The following GABBR2 variants were observed in gnomAD, a reference collection of about 807,000 sequenced individuals.
GABBR2 encodes the protein gamma-aminobutyric acid type B receptor subunit 2.
GABBR2 carries 23 observed loss-of-function variants against 105.6 expected under a neutral mutation model. That is an observed-to-expected ratio of 0.22 (90% CI 0.16 to 0.31). GABBR2 has a LOEUF of 0.31. Among genes scored for constraint, GABBR2 ranks in the 10% least tolerant of loss-of-function variants. The pLI is 1.00. For synonymous variants in GABBR2, 478 were observed against 499.7 expected (o/e 0.96, Z 0.58); for missense variants, 734 against 1,245.5 (o/e 0.59, Z 6.18).
At chr9:98,506,059 TTGTC>T (rs1002480000) in intron 3 of GABBR2, among the ~76,000 whole-genome samples, 6 of 152,088 alleles carry the variant, frequency 3.9e-5, no homozygotes, top group African/African-American at 1.4e-4. Context: ...ATGGCACCAT[TTGTC>T]TGTCCCAAAG....
chr9:98,378,710 G>A (rs1831920665), intron 11 of GABBR2, among the ~76,000 whole-genome samples: 1 of 152,072 alleles, frequency 6.6e-6, no homozygotes, highest in Non-Finnish European at 1.5e-5. Flanking sequence ...TGCAGGAGCT[G>A]GGATGGGGGC....
At chr9:98,671,598 C>T (rs1830407878) in intron 1 of GABBR2, among the ~76,000 whole-genome samples, 1 of 152,152 alleles carries the variant, frequency 6.6e-6, no homozygotes, top group African/African-American at 2.4e-5. Context: ...AGACCATTTA[C>T]ATTCCCACAT....
chr9:98,686,531 G>A (rs1044352812), intron 1 of GABBR2, among the ~76,000 whole-genome samples: 1 of 152,042 alleles, frequency 6.6e-6, no homozygotes, highest in Non-Finnish European at 1.5e-5. Context: ...GAGTAGCTGG[G>A]ATTATAGGCA....
Position 98,547,303 on chromosome 9 carries a change from G to A in GABBR2, c.460-5260C>T, listed in dbSNP as rs1299652956. On this transcript the variant is annotated intron_variant, in intron 2 of 18. Coordinates refer to ENST00000259455, the MANE Select transcript of GABBR2 (RefSeq NM_005458.8). The stretch of plus-strand genomic sequence containing the variant: ...AATGACTATGCTATATTTATATTGT[G>A]TATATTGTTTTATATTTATATTTTT... Among the ~76,000 whole-genome samples, 4 of 115,292 alleles carry A rather than the reference G, an allele frequency of 3.5e-5. 1 individual carries two copies. The Admixed American group carries it at 3.9e-4, about 11-fold the overall frequency. 75.6% of individuals were successfully genotyped at this position (115,292 alleles called of 152,430 possible).
intron 1 of GABBR2, among the ~76,000 whole-genome samples, chr9:98,608,412 C>T (rs567924548): frequency 1.2e-4 from 18 of 152,158 alleles, no homozygotes; most frequent in African/African-American, 4.1e-4. Flanking sequence ...TGCAAGATAA[C>T]ATTTTACTGT....
At chr9:98,416,953 C>G (rs1832699316) in intron 7 of GABBR2, among the ~76,000 whole-genome samples, 1 of 152,194 alleles carries the variant, frequency 6.6e-6, no homozygotes, top group Admixed American at 6.5e-5. Context: ...GTCCTCCAAG[C>G]ACAAGCCTCC....
intron 1 of GABBR2, among the ~76,000 whole-genome samples, chr9:98,697,854 G>A (rs1308240905): frequency 2.0e-5 from 3 of 152,174 alleles, no homozygotes; most frequent in Admixed American, 6.5e-5. Context: ...ACTGGGCGGG[G>A]GCATTCGCAT....
intron 11 of GABBR2, among the ~76,000 whole-genome samples, chr9:98,377,726 G>A (rs1831903110): frequency 6.6e-6 from 1 of 152,128 alleles, no homozygotes; most frequent in African/African-American, 2.4e-5. Context: ...TGGCTCAGGA[G>A]TCTGGGGAGT....
At chr9:98,495,457 G>A (rs1235691075) in intron 4 of GABBR2, among the ~76,000 whole-genome samples, 1 of 152,034 alleles carries the variant, frequency 6.6e-6, no homozygotes, top group Non-Finnish European at 1.5e-5. Flanking sequence ...TGATAGCTCT[G>A]ATGACACTGG....
intron 18 of GABBR2, 91 bp from the exon 19 acceptor site, chr9:98,290,840 T>A: frequency 1.3e-6 from 1 of 780,698 alleles, no homozygotes; most frequent in South Asian, 2.9e-5. Context: ...AAAAAGCTGA[T>A]GACAGGAGCA....
intron 3 of GABBR2, among the ~76,000 whole-genome samples, chr9:98,534,847 C>T (rs896422260): frequency 3.9e-5 from 6 of 152,238 alleles, no homozygotes; most frequent in African/African-American, 1.4e-4. Context: ...CATACCCTTA[C>T]CATATGATCC....
At chr9:98,697,490 C>CAAA (rs5899354) in intron 1 of GABBR2, among the ~76,000 whole-genome samples, 104 of 141,058 alleles carry the variant, frequency 7.4e-4, no homozygotes, top group Admixed American at 6.8e-3. Context: ...CACTCCGTCT[C>CAAA]AAAAAAAAAA....
intron 1 of GABBR2, among the ~76,000 whole-genome samples, chr9:98,650,558 C>G (rs934962639): frequency 1.3e-5 from 2 of 151,032 alleles, no homozygotes; most frequent in African/African-American, 4.9e-5. Flanking sequence ...TAAATTCCAA[C>G]GGAAAAAAAA....
chr9:98,573,291 T>A (rs1284223909), intron 2 of GABBR2, among the ~76,000 whole-genome samples: 1 of 152,192 alleles, frequency 6.6e-6, no homozygotes, highest in Non-Finnish European at 1.5e-5. Context: ...ACTTATTATT[T>A]TTTTTAATAG....
chr9:98,490,460 G>C (rs778224701), intron 4 of GABBR2, among the ~76,000 whole-genome samples: 8 of 152,156 alleles, frequency 5.3e-5, no homozygotes, highest in Non-Finnish European at 1.0e-4. Flanking sequence ...GATTCATTTA[G>C]ACATTCATTT....
At chr9:98,354,621 C>T (rs994321606) in intron 13 of GABBR2, among the ~76,000 whole-genome samples, 1 of 152,218 alleles carries the variant, frequency 6.6e-6, no homozygotes, top group Admixed American at 6.5e-5. Context: ...GAACCAGCCT[C>T]TGTTAGCTTT....
At chr9:98,532,800 G>T (rs1279741609) in intron 3 of GABBR2, among the ~76,000 whole-genome samples, 1 of 152,090 alleles carries the variant, frequency 6.6e-6, no homozygotes, top group Non-Finnish European at 1.5e-5. Context: ...AGTCAGTATT[G>T]CCCAATCCTG....
intron 11 of GABBR2, among the ~76,000 whole-genome samples, chr9:98,371,856 C>T (rs951483287): frequency 1.3e-5 from 2 of 151,296 alleles, no homozygotes; most frequent in Non-Finnish European, 2.9e-5. Flanking sequence ...CACAGAGGGC[C>T]CCCAGGACTG....
chr9:98,611,422 T>C (rs748376290), intron 1 of GABBR2, among the ~76,000 whole-genome samples: 4 of 152,034 alleles, frequency 2.6e-5, no homozygotes, highest in Non-Finnish European at 4.4e-5. Flanking sequence ...TGAAAACTGC[T>C]ATGGATTCCT....
Sources: gnomAD v4.1 joint callset for allele counts (sites outside exome capture counted in the v4.1 genomes callset) on GRCh38, gnomAD v4.1.1 for gene constraint, MANE v1.5 for transcripts, NCBI Gene and HGNC (gene_info 2026-07-23, HGNC 2026-07-21) for gene names.